The following NUP205 variants were observed in gnomAD, a reference collection of about 807,000 sequenced individuals.
The protein encoded by NUP205 is nucleoporin 205, also known as nuclear pore complex protein Nup205.
A neutral mutation model predicts 253.8 loss-of-function variants in NUP205; 76 were observed. The observed-to-expected ratio is 0.30, with a 90% CI of 0.25 to 0.36. NUP205 has a LOEUF of 0.36. Ranked by LOEUF, NUP205 falls within the 10% of genes least tolerant of loss-of-function variation. The pLI is 1.00. For synonymous variants in NUP205, 832 were observed against 850.1 expected (o/e 0.98, Z 0.37); for missense variants, 2,162 against 2,425.5 (o/e 0.89, Z 2.28).
intron 1 of NUP205, among the ~76,000 whole-genome samples, chr7:135,565,772 T>TA (rs1805740473): frequency 6.6e-6 from 1 of 152,218 alleles, no homozygotes. Context: ...TCAACCACAC[T>TA]AGAACACCAT....
rs113190719 is a variant in NUP205, at chr7:135,639,486, T to C, written c.5392+803T>C. On this transcript the variant is annotated intron_variant, in intron 38 of 42. Transcript: ENST00000285968. ...AGGCAGATTAACTGAGGGCAGGAGT[T>C]CAAGACCAGCCTGGCCAACATGGTG... is the stretch of plus-strand genomic sequence containing the variant. 5.6e-3 allele frequency among the ~76,000 whole-genome samples: 849 copies of C among 152,174 alleles called. 14 individuals carry two copies. Among genetic ancestry groups the C allele is most frequent in the East Asian group, 0.051 (265 of 5,170 alleles).
chr7:135,638,353 T>TG (rs1794855765), intron 37 of NUP205, among the ~76,000 whole-genome samples: 1 of 147,288 alleles, frequency 6.8e-6, no homozygotes. Flanking sequence ...AGGCAGAGGT[T>TG]GTAGTGAGCC....
In NUP205 at chr7:135,610,314, G is replaced by A. The variant is rs1439397166; in HGVS notation, c.3195+2943G>A. On this transcript the variant is annotated intron_variant, in intron 22 of 42. Transcript: ENST00000285968. The stretch of plus-strand genomic sequence containing the variant: ...CAGCTCACCGCAACCTCCACCTCCC[G>A]GGTTCAAGCGATTCTCCTGCCTCAG... Among the ~76,000 whole-genome samples, 4 of 152,208 alleles carry A rather than the reference G, an allele frequency of 2.6e-5. No individual in the cohort carries two copies. In the South Asian group the frequency reaches 6.2e-4, roughly 24 times the overall value.
intron 28 of NUP205, 97 bp from the exon 29 acceptor site, chr7:135,619,326 A>C: frequency 7.8e-7 from 1 of 1,288,682 alleles, no homozygotes; most frequent in South Asian, 1.4e-5. Context: ...TCGGTGACAG[A>C]GCGAGACCCT....
At chr7:135,615,036 T>G (rs1273704977) in intron 23 of NUP205, among the ~76,000 whole-genome samples, 1 of 152,202 alleles carries the variant, frequency 6.6e-6, no homozygotes, top group Non-Finnish European at 1.5e-5. Flanking sequence ...TTTTCATAAG[T>G]GTCTTATTTT....
intron 41 of NUP205, 148 bp from the exon 42 acceptor site, chr7:135,646,010 C>G: frequency 1.6e-6 from 1 of 629,088 alleles, no homozygotes; most frequent in Non-Finnish European, 2.8e-6. Context: ...CTAGGGGCTT[C>G]CATTTGCTAA....
intron 7 of NUP205, 83 bp from the exon 8 acceptor site, chr7:135,584,749 A>G (rs1434531026): frequency 9.1e-6 from 11 of 1,204,856 alleles, no homozygotes; most frequent in Non-Finnish European, 1.3e-5. Flanking sequence ...TGTCTGAACC[A>G]TCAGCAGAGT....
At position 135,619,784 on chromosome 7, in the gene NUP205, C is replaced by T. The variant is rs749375314; in HGVS notation, c.4232-6C>T. 56 of 1,607,826 alleles carry T rather than the reference C, an allele frequency of 3.5e-5. No individual in the cohort carries two copies. Among genetic ancestry groups the T allele is most frequent in the Non-Finnish European group, 4.5e-5 (53 of 1,176,380 alleles). On this transcript the variant is annotated splice_region_variant and splice_polypyrimidine_tract_variant and intron_variant, in intron 29 of 42. Coordinates refer to ENST00000285968, the MANE Select transcript of NUP205 (RefSeq NM_015135.3). The stretch of plus-strand genomic sequence containing the variant: ...TTTTCATTTGACATCTTCCTAATCT[C>T]CCTAGGTGGTGGATTCCAACGAGTG...
intron 30 of NUP205, among the ~76,000 whole-genome samples, chr7:135,620,888 A>G (rs1794458821): frequency 6.6e-6 from 1 of 151,850 alleles, no homozygotes; most frequent in Admixed American, 6.6e-5. Context: ...GCTGCTTTCT[A>G]AAAAGTTAGC....
At chr7:135,643,137 A>G (rs1794945064) in intron 38 of NUP205, 55 bp from the exon 39 acceptor site, 2 of 1,508,360 alleles carry the variant, frequency 1.3e-6, no homozygotes, top group East Asian at 4.6e-5. Flanking sequence ...GTCATTTGAA[A>G]TTCATATGAA....
intron 3 of NUP205, among the ~76,000 whole-genome samples, chr7:135,575,875 A>T (rs1387744964): frequency 6.6e-6 from 1 of 152,246 alleles, no homozygotes; most frequent in Non-Finnish European, 1.5e-5. Context: ...TTCAGAGAAG[A>T]TTCCGAGGGA....
chr7:135,568,089 G>C (rs928903083), intron 1 of NUP205, among the ~76,000 whole-genome samples: 4 of 152,002 alleles, frequency 2.6e-5, no homozygotes, highest in African/African-American at 9.7e-5. Flanking sequence ...GACGGGCGTG[G>C]TGGCACGCCT....
At position 135,602,135 on chromosome 7, in the gene NUP205, A is replaced by G. The variant is rs1793979865; in HGVS notation, c.2512+628A>G. 2.0e-5 allele frequency among the ~76,000 whole-genome samples: 3 copies of G among 152,180 alleles called. 1 individual carries two copies. The South Asian group carries it at 6.2e-4, about 31-fold the overall frequency. On this transcript the variant is annotated intron_variant, in intron 17 of 42. Transcript: ENST00000285968. ...TTTACCACGATGCTATATTACCTCT[A>G]CTTAATGTGGCTGTGATCAAAATGA...
intron 7 of NUP205, 108 bp downstream of exon 7, chr7:135,579,023 A>T: frequency 1.2e-6 from 1 of 808,878 alleles, no homozygotes; most frequent in Non-Finnish European, 1.9e-6. Context: ...GCATAGGAAG[A>T]TATCCAGAGT....
intron 32 of NUP205, among the ~76,000 whole-genome samples, chr7:135,626,038 C>G (rs754594466): frequency 5.9e-5 from 9 of 152,172 alleles, no homozygotes; most frequent in South Asian, 2.1e-4. Flanking sequence ...AAGCTACTGT[C>G]TGTGGGCGCT....
At chr7:135,603,257 A>G (rs1794003136) in intron 18 of NUP205, among the ~76,000 whole-genome samples, 1 of 151,714 alleles carries the variant, frequency 6.6e-6, no homozygotes, top group South Asian at 2.1e-4. Flanking sequence ...CTGGGATTAC[A>G]GGTGAGTGCC....
In NUP205 at chr7:135,636,443, A is replaced by C. The variant is rs76684956; in HGVS notation, c.5136+786A>C. On this transcript the variant is annotated intron_variant, in intron 36 of 42. Coordinates refer to ENST00000285968, the MANE Select transcript of NUP205 (RefSeq NM_015135.3). ...GTATACACATAGTACATCATTTTGA[A>C]ATCATAATTGTCAAACAGCATTCCA... 5.6e-3 allele frequency among the ~76,000 whole-genome samples: 850 copies of C among 152,212 alleles called. 14 individuals are homozygous for C. Among genetic ancestry groups the C allele is most frequent in the East Asian group, 0.051 (266 of 5,172 alleles).
At chr7:135,620,883 T>C (rs1173339982) in intron 30 of NUP205, among the ~76,000 whole-genome samples, 1 of 151,846 alleles carries the variant, frequency 6.6e-6, no homozygotes, top group Admixed American at 6.6e-5. Context: ...TAAATGCTGC[T>C]TTCTAAAAAG....
At chr7:135,597,044 C>G (rs1447525827) in intron 13 of NUP205, among the ~76,000 whole-genome samples, 1 of 151,894 alleles carries the variant, frequency 6.6e-6, no homozygotes, top group African/African-American at 2.4e-5. Context: ...AGTCCAGTAT[C>G]TTGAACACTG....
Sources: gnomAD v4.1 joint callset for allele counts (sites outside exome capture counted in the v4.1 genomes callset) on GRCh38, gnomAD v4.1.1 for gene constraint, MANE v1.5 for transcripts, NCBI Gene and HGNC (gene_info 2026-07-23, HGNC 2026-07-21) for gene names.